The following PCID2 variants were observed in gnomAD, a reference collection of about 807,000 sequenced individuals.
PCID2 encodes PCI domain containing 2.
A neutral mutation model predicts 61.3 loss-of-function variants in PCID2; 41 were observed. That is an observed-to-expected ratio of 0.67 (90% CI 0.52 to 0.87). The LOEUF (loss-of-function observed/expected upper bound fraction) is 0.87, where lower values mean the gene tolerates loss of function less well. Ranked by LOEUF, PCID2 falls within the 40% of genes least tolerant of loss-of-function variation. The probability of loss-of-function intolerance (pLI) is 0.00; values close to 1 mark genes in which losing one functional copy is unlikely to be tolerated. For missense variants in PCID2, 392 were observed against 493.4 expected, an observed-to-expected ratio of 0.79 and a Z score of 1.95; for synonymous variants, 187 against 177.8, an observed-to-expected ratio of 1.05 and a Z score of -0.41.
Position 113,185,214 on chromosome 13 carries a change from C to T in PCID2, c.543+271G>A, listed in dbSNP as rs544519273. On this transcript the variant is annotated intron_variant, in intron 8 of 13. Coordinates refer to ENST00000337344, the MANE Select transcript of PCID2 (RefSeq NM_001127202.4). Reference sequence around the variant, plus strand: ...GCCCAATTCCACCACACTGGGACAGCTGCTTCACACACAGGGGCCTTCGTT... The same window carrying T: ...GCCCAATTCCACCACACTGGGACAGTTGCTTCACACACAGGGGCCTTCGTT... Among the ~76,000 whole-genome samples the T allele has an allele frequency of 8.3e-4, 127 of 152,372 alleles. 2 individuals are homozygous for T. In the South Asian group the frequency reaches 0.022, roughly 26 times the overall value.
intron 9 of PCID2, 68 bp downstream of exon 9, chr13:113,184,278 A>G: frequency 7.6e-7 from 1 of 1,321,438 alleles, no homozygotes; most frequent in Non-Finnish European, 1.1e-6. Context: ...CTGAAACTAT[A>G]TTATTCAAAG....
Position 113,180,182 on chromosome 13 carries a change from A to G in PCID2, c.836T>C (p.Phe279Ser), listed in dbSNP as rs2037505725. ...CCTCACAGCTCTGGTTACTTCCGCA[A>G]ACTGCATCAGGTGATACTTTTTCAG... Reference protein sequence around the residue: ...ELLKKYHLMQFAEVTRAVSEG... With the variant: ...ELLKKYHLMQSAEVTRAVSEG... Residue 279 changes from phenylalanine (F) to serine (S), a missense_variant, in exon 11 of 14, where the codon TTT becomes TCT. Phe to Ser is a radical substitution (Grantham distance 155, BLOSUM62 -2). Transcript: ENST00000337344. The G allele has an allele frequency of 1.2e-6, 2 of 1,613,872 alleles. No individual in the cohort carries two copies. Among genetic ancestry groups the G allele is most frequent in the South Asian group, 1.1e-5 (1 of 91,084 alleles).
intron 13 of PCID2, chr13:113,178,540 C>G (rs772845767): frequency 1.8e-4 from 77 of 433,820 alleles, no homozygotes; most frequent in Middle Eastern, 6.9e-4. Flanking sequence ...TGAACACGTA[C>G]AGACGCTCTT....
At chr13:113,169,704 T>C in the PCID2 span, among the ~76,000 whole-genome samples, 1 of 152,230 alleles carries the variant, frequency 6.6e-6, no homozygotes, top group Non-Finnish European at 1.5e-5. Flanking sequence ...CCCCACTGAG[T>C]CAGGGATGTT....
In PCID2 at chr13:113,208,618, A is replaced by C. The variant is rs2040143791; in HGVS notation, c.17T>G (p.Ile6Ser). ...ACCCACCTGCTGCAGGTACTGGTTA[A>C]TGGTAATGTGCGCCATGGGAGCGCC... is the stretch of plus-strand genomic sequence containing the variant. MAHIT[I>S]NQYLQQVYEA... is the part of the protein sequence containing the mutation. Residue 6 changes from isoleucine (I) to serine (S), a missense_variant, in exon 1 of 14, where the codon ATT becomes AGT. This residue lies in a region of PCID2 where 155 missense variants were observed against 164.9 expected (regional missense o/e 0.94). Transcript: ENST00000337344. 1 of 1,607,432 alleles carries C rather than the reference A, an allele frequency of 6.2e-7. No individual in the cohort carries two copies. The highest frequency in any genetic ancestry group is 1.3e-5 in the African/African-American group (1 of 74,446).
intron 2 of PCID2, among the ~76,000 whole-genome samples, chr13:113,199,090 T>C (rs1461484339): frequency 6.6e-6 from 1 of 152,226 alleles, no homozygotes; most frequent in Non-Finnish European, 1.5e-5. Context: ...ATGGTTAATT[T>C]TGCCAACTTG....
intron 7 of PCID2, chr13:113,188,012 C>T (rs2038273951): frequency 6.6e-6 from 1 of 152,226 alleles, no homozygotes; most frequent in Non-Finnish European, 1.5e-5. Flanking sequence ...GCAAGGAACG[C>T]TAGTGATGGA....
chr13:113,192,757 T>C (rs998779616), intron 6 of PCID2, among the ~76,000 whole-genome samples: 1 of 152,218 alleles, frequency 6.6e-6, no homozygotes, highest in Non-Finnish European at 1.5e-5. Context: ...AGGTGCTGCA[T>C]GGCTCAGTAA....
intron 5 of PCID2, among the ~76,000 whole-genome samples, chr13:113,195,666 CAA>C (rs772171826): frequency 3.0e-5 from 4 of 131,778 alleles, no homozygotes; most frequent in Admixed American, 7.7e-5. Context: ...GACTCCTTCT[CAA>C]AAAAAAAAAA....
At chr13:113,199,408 T>C (rs1331630143) in intron 2 of PCID2, among the ~76,000 whole-genome samples, 1 of 152,194 alleles carries the variant, frequency 6.6e-6, no homozygotes, top group Non-Finnish European at 1.5e-5. Context: ...ACACAATGGA[T>C]TATAAGCACA....
chr13:113,190,154 G>A (rs2038485645), intron 7 of PCID2, among the ~76,000 whole-genome samples: 2 of 149,158 alleles, frequency 1.3e-5, no homozygotes, highest in Admixed American at 1.3e-4. Context: ...AGTAGTTAAA[G>A]AATGTAAAAC....
At chr13:113,172,157 G>GCTGGCA in the PCID2 span, 1 of 1,597,464 alleles carries the variant, frequency 6.3e-7, no homozygotes, top group Non-Finnish European at 8.5e-7. Flanking sequence ...GGGATTCCAA[G>GCTGGCA]CTGGCACTGC....
In PCID2 at chr13:113,205,408, C is replaced by A. The variant is rs58978644; in HGVS notation, c.36+3191G>T. On this transcript the variant is annotated intron_variant, in intron 1 of 13. Coordinates refer to ENST00000337344, the MANE Select transcript of PCID2 (RefSeq NM_001127202.4). ...AAGAAAGTGAAGAAATTGCAACCCT[C>A]ATACATTGCTGGTGAAAATGTAAAA... Among the ~76,000 whole-genome samples the A allele has an allele frequency of 9.7e-3, 1,481 of 152,350 alleles. 30 individuals carry two copies. Among genetic ancestry groups the A allele is most frequent in the African/African-American group, 0.034 (1,415 of 41,580 alleles).
At chr13:113,207,996 A>G (rs1368899892) in intron 1 of PCID2, 3 of 1,594,440 alleles carry the variant, frequency 1.9e-6, no homozygotes, top group South Asian at 1.1e-5. Context: ...ACAAGTGTCC[A>G]TCTTTTAACT....
chr13:113,179,170 A>T lies in PCID2; in HGVS notation c.987-81T>A. On this transcript the variant is annotated intron_variant, in intron 12 of 13. Coordinates refer to ENST00000337344, the MANE Select transcript of PCID2 (RefSeq NM_001127202.4). The surrounding 1 kb of genome is among the most constrained non-coding windows in gnomAD (Gnocchi z 4.3). ...AGCCAAGAAAAGGCACCTCTTAATAAGCCGGTGTTCTAAAGGAGTAAAAAA... is the reference window on the plus strand; with the variant it reads ...AGCCAAGAAAAGGCACCTCTTAATATGCCGGTGTTCTAAAGGAGTAAAAAA... 7.6e-7 allele frequency: 1 copy of T among 1,319,206 alleles called. No individual in the cohort carries two copies. Among genetic ancestry groups the T allele is most frequent in the East Asian group, 2.3e-5 (1 of 42,706 alleles). The allele number at this position is 1,319,206 out of a possible 1,614,324, so 81.7% of individuals were successfully genotyped here.
chr13:113,194,365 C>G (rs572218919), intron 6 of PCID2, among the ~76,000 whole-genome samples: 4 of 152,152 alleles, frequency 2.6e-5, no homozygotes, highest in African/African-American at 7.2e-5. Flanking sequence ...CGCGCCCAGT[C>G]CAGGACAGAC....
intron 7 of PCID2, among the ~76,000 whole-genome samples, chr13:113,190,422 G>A (rs1051782629): frequency 3.9e-5 from 6 of 152,122 alleles, no homozygotes; most frequent in South Asian, 2.1e-4. Context: ...GTCAACCCAC[G>A]AGACTCCATG....
chr13:113,183,728 C>T (rs368881433), intron 9 of PCID2: 29 of 981,114 alleles, frequency 3.0e-5, no homozygotes, highest in Middle Eastern at 5.2e-4. Context: ...AGAATGATGC[C>T]GTGACAGCCG....
At chr13:113,169,858 T>G in the PCID2 span, among the ~76,000 whole-genome samples, 1 of 152,234 alleles carries the variant, frequency 6.6e-6, no homozygotes, top group Non-Finnish European at 1.5e-5. Context: ...TGAAAACTGC[T>G]AGGCATGTGG....
Sources: allele counts gnomAD v4.1 joint callset (sites outside exome capture counted in the v4.1 genomes callset), GRCh38; gene constraint gnomAD v4.1.1; regional missense constraint gnomAD v4.1.1; non-coding constraint Gnocchi (gnomAD v3.1); transcripts MANE v1.5; gene names NCBI Gene and HGNC (gene_info 2026-07-23, HGNC 2026-07-21).